Variants in DNER observed in about 807,000 individuals in gnomAD.
DNER encodes the protein delta and Notch-like epidermal growth factor-related receptor.
A neutral mutation model predicts 78.2 loss-of-function variants in DNER; 33 were observed. The observed-to-expected ratio is 0.42, with a 90% CI of 0.32 to 0.56. DNER has a LOEUF of 0.56. Ranked by LOEUF, DNER falls within the 20% of genes least tolerant of loss-of-function variation. The pLI, the probability that DNER is intolerant of heterozygous loss-of-function variation, is 0.11. For missense variants in DNER, 918 were observed against 975.3 expected (o/e 0.94, Z 0.78); for synonymous variants, 417 against 384.8 (o/e 1.08, Z -0.98).
chr2:229,713,881 A>G (rs73097246), intron 1 of DNER, among the ~76,000 whole-genome samples: 26,231 of 151,984 alleles, frequency 0.17, 2,788 homozygotes, highest in African/African-American at 0.29. Context: ...CGGAGCGTCT[A>G]GAGCCCCGCG....
intron 11 of DNER, among the ~76,000 whole-genome samples, chr2:229,385,481 G>T (rs1692842863): frequency 6.6e-6 from 1 of 152,152 alleles, no homozygotes; most frequent in African/African-American, 2.4e-5. Context: ...GGTCAATCAG[G>T]CAAGGGAAAG....
chr2:229,402,291 A>C (rs901954087), intron 10 of DNER, among the ~76,000 whole-genome samples: 1 of 152,248 alleles, frequency 6.6e-6, no homozygotes, highest in Non-Finnish European at 1.5e-5. Flanking sequence ...TGAAATCAAT[A>C]GTATGACAAA....
chr2:229,586,508 TAAAA>T (rs555047737), intron 3 of DNER, among the ~76,000 whole-genome samples: 1 of 13,490 alleles, frequency 7.4e-5, no homozygotes, highest in African/African-American at 2.7e-4. Context: ...TCATTTTTGG[TAAAA>T]AAAAAAAAAA....
chr2:229,642,644 T>A (rs1698647147), intron 1 of DNER, among the ~76,000 whole-genome samples: 1 of 152,228 alleles, frequency 6.6e-6, no homozygotes, highest in Admixed American at 6.5e-5. Context: ...AGTGAGCCAC[T>A]GCCCTTCCTG....
intron 6 of DNER, among the ~76,000 whole-genome samples, chr2:229,497,863 C>T (rs1409820683): frequency 6.6e-6 from 1 of 152,104 alleles, no homozygotes; most frequent in African/African-American, 2.4e-5. Context: ...GATGGCTTCA[C>T]TGCTGAATTG....
intron 1 of DNER, among the ~76,000 whole-genome samples, chr2:229,618,159 G>T (rs1312692970): frequency 6.6e-6 from 1 of 152,108 alleles, no homozygotes; most frequent in Non-Finnish European, 1.5e-5. Flanking sequence ...GAGCATAATG[G>T]CTGTTTTTTT....
At chr2:229,480,944 G>A (rs1695144305) in intron 6 of DNER, among the ~76,000 whole-genome samples, 2 of 152,220 alleles carry the variant, frequency 1.3e-5, no homozygotes, top group South Asian at 4.1e-4. Flanking sequence ...CAGTATTACT[G>A]GAGATGAAGA....
chr2:229,392,610 A>G (rs1693039983), intron 10 of DNER, among the ~76,000 whole-genome samples: 1 of 152,142 alleles, frequency 6.6e-6, no homozygotes. Flanking sequence ...CAGTTCCCAA[A>G]CTCACAGAGG....
chr2:229,678,516 G>A (rs1699333896), intron 1 of DNER, among the ~76,000 whole-genome samples: 1 of 152,202 alleles, frequency 6.6e-6, no homozygotes, highest in African/African-American at 2.4e-5. Context: ...AGGGAAACTT[G>A]GAGAAGTCAG....
intron 7 of DNER, among the ~76,000 whole-genome samples, chr2:229,464,236 G>A (rs1003302146): frequency 6.6e-6 from 1 of 151,986 alleles, no homozygotes; most frequent in Non-Finnish European, 1.5e-5. Flanking sequence ...AAGAGAAAGG[G>A]GAATATCTGG....
At chr2:229,420,110 A>G (rs1693734805) in intron 8 of DNER, among the ~76,000 whole-genome samples, 1 of 151,850 alleles carries the variant, frequency 6.6e-6, no homozygotes, top group South Asian at 2.1e-4. Flanking sequence ...GTTTTTGCAA[A>G]TAAAGTTTTA....
chr2:229,393,681 A>C (rs1197040729), intron 10 of DNER, among the ~76,000 whole-genome samples: 1 of 152,040 alleles, frequency 6.6e-6, no homozygotes, highest in Admixed American at 6.6e-5. Context: ...CCCCGTCTCT[A>C]CTAAAAATAC....
intron 5 of DNER, among the ~76,000 whole-genome samples, chr2:229,516,841 C>T (rs907624378): frequency 6.7e-6 from 1 of 149,846 alleles, no homozygotes; most frequent in Non-Finnish European, 1.5e-5. Context: ...GGCACGGTGG[C>T]TCACCCCTGT....
intron 5 of DNER, among the ~76,000 whole-genome samples, chr2:229,536,118 A>G (rs1347173172): frequency 2.6e-5 from 4 of 152,188 alleles, no homozygotes; most frequent in Non-Finnish European, 4.4e-5. Context: ...GGAAATGCTA[A>G]AAGTTTTTCC....
At chr2:229,539,451 A>G (rs1422447703) in intron 5 of DNER, among the ~76,000 whole-genome samples, 1 of 152,220 alleles carries the variant, frequency 6.6e-6, no homozygotes, top group Non-Finnish European at 1.5e-5. Context: ...ATATTCCCAA[A>G]GGGTTACTAC....
chr2:229,476,258 C>T (rs962806996), intron 7 of DNER, among the ~76,000 whole-genome samples: 1 of 152,194 alleles, frequency 6.6e-6, no homozygotes, highest in African/African-American at 2.4e-5. Flanking sequence ...TTATGAGGTA[C>T]TGCCGATCAC....
intron 1 of DNER, among the ~76,000 whole-genome samples, chr2:229,600,170 A>C (rs1697801030): frequency 6.6e-6 from 1 of 152,214 alleles, no homozygotes; most frequent in Non-Finnish European, 1.5e-5. Flanking sequence ...AGAGGTTGGC[A>C]AATCACAACC....
At chr2:229,564,591 T>C (rs1228155846) in intron 4 of DNER, among the ~76,000 whole-genome samples, 15 of 141,002 alleles carry the variant, frequency 1.1e-4, no homozygotes, top group Non-Finnish European at 2.0e-4. Context: ...CCCATCACCA[T>C]CATCATCATC....
intron 1 of DNER, among the ~76,000 whole-genome samples, chr2:229,671,458 T>C (rs1163202949): frequency 6.6e-6 from 1 of 152,202 alleles, no homozygotes; most frequent in Non-Finnish European, 1.5e-5. Context: ...TTCCTTTAAT[T>C]GTCCGCACAG....
Sources: allele counts gnomAD v4.1 joint callset (sites outside exome capture counted in the v4.1 genomes callset), GRCh38; gene constraint gnomAD v4.1.1; transcripts MANE v1.5; gene names NCBI Gene and HGNC (gene_info 2026-07-23, HGNC 2026-07-21).